The following RGL1 variants were observed in gnomAD, a reference collection of about 807,000 sequenced individuals.
RGL1 encodes ral guanine nucleotide dissociation stimulator-like 1.
In RGL1, 24 loss-of-function variants were observed where a neutral mutation model predicts 95.2. That is an observed-to-expected ratio of 0.25 (90% CI 0.18 to 0.35). The LOEUF (loss-of-function observed/expected upper bound fraction) is 0.35, where lower values mean the gene tolerates loss of function less well. RGL1 is among the 10% of genes least tolerant of loss of function. The probability of loss-of-function intolerance (pLI) is 1.00; values close to 1 mark genes in which losing one functional copy is unlikely to be tolerated. For synonymous variants in RGL1, 329 were observed against 344.9 expected (o/e 0.95, Z 0.51); for missense variants, 715 against 936.3 (o/e 0.76, Z 3.08).
intron 2 of RGL1, among the ~76,000 whole-genome samples, chr1:183,766,102 AAAAG>A (rs1451823859): frequency 2.0e-5 from 3 of 151,966 alleles, no homozygotes; most frequent in African/African-American, 7.2e-5. Flanking sequence ...TTAAAAAAAA[AAAAG>A]AAAGTTAAAC....
chr1:183,680,685 T>C (rs1002327251), intron 1 of RGL1, among the ~76,000 whole-genome samples: 5 of 152,204 alleles, frequency 3.3e-5, no homozygotes, highest in African/African-American at 1.2e-4. Flanking sequence ...CATATGGCAT[T>C]TAAAGTAGTT....
chr1:183,689,016 T>C (rs1419902819), intron 1 of RGL1, among the ~76,000 whole-genome samples: 5 of 152,182 alleles, frequency 3.3e-5, no homozygotes, highest in Non-Finnish European at 5.9e-5. Context: ...TTCTTGATGT[T>C]ATTTTATCCC....
At chr1:183,729,060 A>G (rs981264866) in intron 1 of RGL1, among the ~76,000 whole-genome samples, 1 of 152,202 alleles carries the variant, frequency 6.6e-6, no homozygotes, top group Non-Finnish European at 1.5e-5. Flanking sequence ...TTTCTTAAAC[A>G]GGACACAAAA....
At chr1:183,797,404 G>A (rs1572423097) in intron 2 of RGL1, among the ~76,000 whole-genome samples, 2 of 152,202 alleles carry the variant, frequency 1.3e-5, no homozygotes, top group Admixed American at 1.3e-4. Context: ...GGAGCTCTCT[G>A]CCTTTGGCCT....
chr1:183,672,485 C>T (rs1408964435), intron 1 of RGL1, among the ~76,000 whole-genome samples: 3 of 152,096 alleles, frequency 2.0e-5, no homozygotes, highest in Non-Finnish European at 4.4e-5. Flanking sequence ...TTCTTCATTT[C>T]TCTTTTGCAG....
intron 1 of RGL1, chr1:183,648,383 G>A (rs1419020085): frequency 6.2e-7 from 1 of 1,614,234 alleles, no homozygotes; most frequent in Non-Finnish European, 8.5e-7. Flanking sequence ...TGCTGATGCA[G>A]CAGTGGTTAG....
chr1:183,870,886 G>A (rs1666145070), intron 4 of RGL1, among the ~76,000 whole-genome samples: 1 of 152,160 alleles, frequency 6.6e-6, no homozygotes, highest in South Asian at 2.1e-4. Flanking sequence ...GCCACATGGA[G>A]AGGGAAAGGC....
At chr1:183,744,775 T>C (rs978974436) in intron 2 of RGL1, among the ~76,000 whole-genome samples, 9 of 152,222 alleles carry the variant, frequency 5.9e-5, no homozygotes, top group African/African-American at 9.6e-5. Flanking sequence ...TATTTTAATA[T>C]AGTCAAATTT....
At chr1:183,643,465 G>A (rs1650076084) in intron 1 of RGL1, among the ~76,000 whole-genome samples, 1 of 151,856 alleles carries the variant, frequency 6.6e-6, no homozygotes, top group South Asian at 2.1e-4. Flanking sequence ...CTAACTTTTT[G>A]TATTTTTAGT....
At chr1:183,703,840 G>C (rs1654743651) in intron 1 of RGL1, among the ~76,000 whole-genome samples, 1 of 152,180 alleles carries the variant, frequency 6.6e-6, no homozygotes, top group African/African-American at 2.4e-5. Flanking sequence ...GTGGCAGATA[G>C]AGCAGGACTG....
chr1:183,768,099 G>A (rs910271994), intron 2 of RGL1, among the ~76,000 whole-genome samples: 1 of 151,432 alleles, frequency 6.6e-6, no homozygotes, highest in South Asian at 2.1e-4. Flanking sequence ...ATATTTTACT[G>A]TCTAAACTTC....
rs1184090385 is a variant in RGL1 at position 183,892,061 on chromosome 1, T to A, written c.1056-16T>A. 2.5e-6 allele frequency: 4 copies of A among 1,593,716 alleles called. No individual in the cohort carries two copies. The South Asian group carries it at 4.4e-5, about 18-fold the overall frequency. On this transcript the variant is annotated splice_polypyrimidine_tract_variant and intron_variant, in intron 8 of 17. Transcript: ENST00000360851. ...TAACTCTTCATTGTTAATATTTTCT[T>A]AATCCCTTTTCATAGGGACCGAATG...
At chr1:183,861,156 C>T (rs1454214492) in intron 3 of RGL1, among the ~76,000 whole-genome samples, 1 of 152,096 alleles carries the variant, frequency 6.6e-6, no homozygotes, top group Non-Finnish European at 1.5e-5. Flanking sequence ...AAGCCCTTAG[C>T]ACAGTACCTG....
rs1653523160 is a variant in RGL1 at position 183,685,538 on chromosome 1, G to A, written c.-33+49037G>A. On this transcript the variant is annotated intron_variant, in intron 1 of 18. Transcript: ENST00000304685. ...AATGTTACATACAATTACATTAAATGTTACTGTATGTAATATTAAAAACTA... is the reference window on the plus strand; with the variant it reads ...AATGTTACATACAATTACATTAAATATTACTGTATGTAATATTAAAAACTA... Among the ~76,000 whole-genome samples the A allele has an allele frequency of 2.6e-5, 4 of 152,256 alleles. No individual in the cohort carries two copies. The South Asian group carries it at 8.3e-4, about 32-fold the overall frequency.
chr1:183,706,192 TGGGCATGA>T (rs1015066755), intron 1 of RGL1, among the ~76,000 whole-genome samples: 2 of 152,176 alleles, frequency 1.3e-5, no homozygotes, highest in Non-Finnish European at 2.9e-5. Flanking sequence ...GGAGCAGAGT[TGGGCATGA>T]GGGCAGGACT....
chr1:183,910,964 A>T (rs928361166), intron 14 of RGL1, among the ~76,000 whole-genome samples: 1 of 152,144 alleles, frequency 6.6e-6, no homozygotes, highest in East Asian at 1.9e-4. Context: ...ACAGTTCTCA[A>T]ATTTGAAGTT....
chr1:183,849,883 A>C (rs539959580), intron 3 of RGL1, among the ~76,000 whole-genome samples: 10 of 152,322 alleles, frequency 6.6e-5, no homozygotes, highest in Admixed American at 2.0e-4. Context: ...GGATAATGTC[A>C]TAGAAGAGTC....
At chr1:183,925,461 A>G (rs1247175653) in intron 17 of RGL1, among the ~76,000 whole-genome samples, 2 of 152,246 alleles carry the variant, frequency 1.3e-5, no homozygotes, top group Non-Finnish European at 2.9e-5. Flanking sequence ...AACATTCTGC[A>G]CATGTATCCC....
intron 2 of RGL1, among the ~76,000 whole-genome samples, chr1:183,828,100 A>T (rs1558232894): frequency 6.6e-6 from 1 of 152,166 alleles, no homozygotes; most frequent in South Asian, 2.1e-4. Flanking sequence ...CTTTTTTTTA[A>T]TAGGAGAGGA....
Sources: allele counts gnomAD v4.1 joint callset (sites outside exome capture counted in the v4.1 genomes callset), GRCh38; gene constraint gnomAD v4.1.1; transcripts MANE v1.5; gene names NCBI Gene and HGNC (gene_info 2026-07-23, HGNC 2026-07-21).